ZNF44: variants seen among roughly 807,000 people sequenced by gnomAD.
ZNF44 encodes the protein zinc finger protein 44.
In ZNF44, 9 loss-of-function variants were observed where a neutral mutation model predicts 11.7. The ratio of observed to expected loss-of-function variants is 0.77; its 90% CI spans 0.46 to 1.35. ZNF44 has a LOEUF of 1.35. Ranked by LOEUF, ZNF44 falls within the 40% of genes most tolerant of loss-of-function variation. ZNF44 has a pLI of 0.00. For synonymous variants in ZNF44, 224 were observed against 242.7 expected, an observed-to-expected ratio of 0.92 and a Z score of 0.72; for missense variants, 696 against 743.1, an observed-to-expected ratio of 0.94 and a Z score of 0.74.
chr19:12,293,762 A>G (rs1424652324), intron 1 of ZNF44, among the ~76,000 whole-genome samples: 1 of 152,092 alleles, frequency 6.6e-6, no homozygotes, highest in East Asian at 1.9e-4. Flanking sequence ...CCTGATGCCA[A>G]TATCTTTGAA....
intron 1 of ZNF44, among the ~76,000 whole-genome samples, chr19:12,285,512 C>G (rs1197330461): frequency 6.6e-6 from 1 of 152,132 alleles, no homozygotes; most frequent in African/African-American, 2.4e-5. Context: ...CCAAGGCTTC[C>G]CAAAGTGCTG....
chr19:12,245,222 A>C (rs1329992791), downstream of ZNF44, among the ~76,000 whole-genome samples: 1 of 152,228 alleles, frequency 6.6e-6, no homozygotes, highest in Non-Finnish European at 1.5e-5. Context: ...ATAATGAATA[A>C]CCTGACAAAA....
upstream of ZNF44, chr19:12,238,061 G>A (rs1203833922): frequency 6.6e-6 from 1 of 152,198 alleles, no homozygotes; most frequent in East Asian, 1.9e-4. Context: ...TGGGATAAGC[G>A]GCTGGTGGCA....
chr19:12,257,940 T>C (rs1018534337), intron 5 of ZNF44, among the ~76,000 whole-genome samples: 5 of 151,706 alleles, frequency 3.3e-5, no homozygotes, highest in Non-Finnish European at 5.9e-5. Flanking sequence ...CACTGCACTC[T>C]AGCCTGGGCG....
chr19:12,267,340 G>A (rs192430398), downstream of ZNF44, among the ~76,000 whole-genome samples: 2 of 152,104 alleles, frequency 1.3e-5, no homozygotes, highest in African/African-American at 2.4e-5. Flanking sequence ...CACCGTGCCC[G>A]GCCTGCCTAC....
chr19:12,278,252 A>T (rs1212023468), intron 1 of ZNF44, among the ~76,000 whole-genome samples: 3 of 152,236 alleles, frequency 2.0e-5, no homozygotes, highest in Non-Finnish European at 4.4e-5. Context: ...ATAACTAGCC[A>T]GAGCCCTTCC....
chr19:12,266,114 C>T (rs1917717421), intron 5 of ZNF44, among the ~76,000 whole-genome samples: 1 of 152,152 alleles, frequency 6.6e-6, no homozygotes, highest in Non-Finnish European at 1.5e-5. Flanking sequence ...GCCGGCCGGA[C>T]CAGGGCCACC....
At position 12,259,260 on chromosome 19, in the gene ZNF44, C is replaced by T. The variant is rs548339253; in HGVS notation, c.1913-8892G>A. Among the ~76,000 whole-genome samples the T allele has an allele frequency of 2.0e-5, 3 of 152,256 alleles. No homozygotes were observed. The South Asian group carries it at 6.2e-4, about 32-fold the overall frequency. ...AATAGTTATGATGGCTAAGGAGAGGCACAGGGATTTCTGCTCTATTTATTT... is the reference window on the plus strand; with the variant it reads ...AATAGTTATGATGGCTAAGGAGAGGTACAGGGATTTCTGCTCTATTTATTT... On this transcript the variant is annotated intron_variant and NMD_transcript_variant, in intron 5 of 7. Coordinates refer to the ZNF44 transcript ENST00000393337.
At position 12,274,093 on chromosome 19, in the gene ZNF44, G is replaced by C. The variant is rs199920521; in HGVS notation, c.192-30C>G. The C allele has an allele frequency of 3.3e-4, 497 of 1,525,910 alleles. 2 individuals carry two copies. In the African/African-American group the frequency reaches 6.4e-3, roughly 20 times the overall value. The allele number at this position is 1,525,910 out of a possible 1,614,324, so 94.5% of individuals were successfully genotyped here. A position where few individuals can be genotyped will look rare whatever the true frequency, so the allele number is the denominator to read the frequency against. On this transcript the variant is annotated intron_variant, in intron 3 of 3. Transcript: ENST00000355684. Reference sequence around the variant, plus strand: ...AAAAAATGAAAAGTACATTACTAAAGGTTTATTATTGAATTTATATTTATC... The same window carrying C: ...AAAAAATGAAAAGTACATTACTAAACGTTTATTATTGAATTTATATTTATC...
At chr19:12,283,389 C>A (rs190304349) in intron 1 of ZNF44, among the ~76,000 whole-genome samples, 4 of 152,224 alleles carry the variant, frequency 2.6e-5, no homozygotes, top group Admixed American at 2.6e-4. Context: ...AGTGCAGTGG[C>A]GTGATCTTGG....
upstream of ZNF44, among the ~76,000 whole-genome samples, chr19:12,240,444 C>CAAAAAAAAAAAAAAAAAA: frequency 9.8e-6 from 1 of 102,370 alleles, no homozygotes; most frequent in African/African-American, 3.6e-5. Context: ...GATTCTATCT[C>CAAAAAAAAAAAAAAAAAA]AAAAAAAAAA....
chr19:12,262,776 T>C lies in ZNF44; in HGVS notation c.1912+9711A>G, dbSNP rs780514911. On this transcript the variant is annotated intron_variant and NMD_transcript_variant, in intron 5 of 7. Coordinates refer to the ZNF44 transcript ENST00000393337. The stretch of plus-strand genomic sequence containing the variant: ...CTTACATCATATTTATCAACTTTCA[T>C]TTTCAAAGCCAAAGAAACGAAAATC... Among the ~76,000 whole-genome samples the C allele has an allele frequency of 7.9e-5, 12 of 152,148 alleles. 1 individual carries two copies. The highest frequency in any genetic ancestry group is 1.6e-4 in the Non-Finnish European group (11 of 68,042).
At chr19:12,251,284 T>C (rs554834526) in intron 5 of ZNF44, among the ~76,000 whole-genome samples, 1 of 149,688 alleles carries the variant, frequency 6.7e-6, no homozygotes, top group East Asian at 2.0e-4. Flanking sequence ...TGAGCCAAGA[T>C]CGCACATTGC....
chr19:12,293,101 C>T (rs1190893100), intron 1 of ZNF44: 1 of 1,110,096 alleles, frequency 9.0e-7, no homozygotes, highest in African/African-American at 1.6e-5. Context: ...AACCCCTGAC[C>T]TCAGGTGATC....
intron 1 of ZNF44, among the ~76,000 whole-genome samples, chr19:12,283,774 G>C (rs993952040): frequency 6.6e-6 from 1 of 152,160 alleles, no homozygotes; most frequent in Non-Finnish European, 1.5e-5. Flanking sequence ...CAGTACTGTG[G>C]GAGGCCAAGG....
chr19:12,292,137 T>C (rs970647049), intron 1 of ZNF44, among the ~76,000 whole-genome samples: 1 of 152,088 alleles, frequency 6.6e-6, no homozygotes, highest in Non-Finnish European at 1.5e-5. Flanking sequence ...AAGACCAGCC[T>C]GGCAACATGA....
intron 2 of ZNF44, among the ~76,000 whole-genome samples, chr19:12,234,500 T>C (rs1916299294): frequency 6.6e-6 from 1 of 152,222 alleles, no homozygotes; most frequent in Non-Finnish European, 1.5e-5. Context: ...CATTATCATT[T>C]AGAAAGCATG....
At chr19:12,285,155 G>A (rs2030151344) in intron 1 of ZNF44, 6 of 574,964 alleles carry the variant, frequency 1.0e-5, no homozygotes, top group Non-Finnish European at 1.9e-5. Flanking sequence ...CTGTGCAGAG[G>A]ACCCAGGCTC....
At chr19:12,251,758 T>G (rs1463424648) in intron 5 of ZNF44, among the ~76,000 whole-genome samples, 1 of 152,070 alleles carries the variant, frequency 6.6e-6, no homozygotes, top group African/African-American at 2.4e-5. Context: ...AGGTTAAGAT[T>G]TGCAGTTTAC....
Sources: allele counts gnomAD v4.1 joint callset (sites outside exome capture counted in the v4.1 genomes callset), GRCh38; gene constraint gnomAD v4.1.1; transcripts MANE v1.5; gene names NCBI Gene and HGNC (gene_info 2026-07-23, HGNC 2026-07-21).